Variants in AFF3 observed in about 807,000 individuals in gnomAD.
AFF3 encodes AF4/FMR2 family member 3.
Under a neutral mutation model 129.7 loss-of-function variants are expected in AFF3, and 32 were observed. The observed-to-expected ratio is 0.25, with a 90% CI of 0.19 to 0.33. The LOEUF is 0.33. Among genes scored for constraint, AFF3 ranks in the 10% least tolerant of loss-of-function variants. AFF3 has a pLI of 1.00. For synonymous variants in AFF3, 644 were observed against 635.4 expected, an observed-to-expected ratio of 1.01 and a Z score of -0.20; for missense variants, 1,373 against 1,592.0, an observed-to-expected ratio of 0.86 and a Z score of 2.34.
At chr2:99,715,270 A>G (rs912890792) in intron 11 of AFF3, among the ~76,000 whole-genome samples, 7 of 152,186 alleles carry the variant, frequency 4.6e-5, no homozygotes. Context: ...CACCCTTAAC[A>G]TCTTCTTAGT....
At position 99,593,336 on chromosome 2, in the gene AFF3, C is replaced by T; in HGVS notation, c.2325G>A (p.Leu775=). 1 of 1,614,054 alleles carries T rather than the reference C, an allele frequency of 6.2e-7. No homozygotes were observed. Among genetic ancestry groups the T allele is most frequent in the Non-Finnish European group, 8.5e-7 (1 of 1,179,980 alleles). ...GGGGCAGGTGTTCTGGGATCCTGGA[C>T]AGGAGGGTCAGGTCGATTTTGACCC... is the stretch of plus-strand genomic sequence containing the variant. ...SLWVKIDLTL[L]SRIPEHLPQE... is the part of the protein sequence containing the mutation. Residue 775 remains leucine, a synonymous_variant, in exon 15 of 25, where the codon CTG becomes CTA. Transcript: ENST00000672756.
chr2:100,131,216 A>G (rs1035663837), intron 1 of AFF3, among the ~76,000 whole-genome samples: 1 of 152,164 alleles, frequency 6.6e-6, no homozygotes, highest in Non-Finnish European at 1.5e-5. Context: ...TCATCCCTTA[A>G]GCTACTTGAA....
intron 4 of AFF3, among the ~76,000 whole-genome samples, chr2:100,044,806 G>A (rs1405944504): frequency 6.6e-6 from 1 of 151,900 alleles, no homozygotes; most frequent in Non-Finnish European, 1.5e-5. Flanking sequence ...AGTACTGTCC[G>A]TTTAGAGGCC....
intron 7 of AFF3, among the ~76,000 whole-genome samples, chr2:99,857,129 A>G (rs1249149029): frequency 1.3e-5 from 2 of 152,182 alleles, no homozygotes; most frequent in Admixed American, 6.5e-5. Flanking sequence ...GCTCAAATGA[A>G]TATTTATTTT....
At chr2:99,621,881 G>C (rs35488108) in intron 13 of AFF3, among the ~76,000 whole-genome samples, 279 of 152,116 alleles carry the variant, frequency 1.8e-3, no homozygotes, top group African/African-American at 6.2e-3. Flanking sequence ...TTTGCAGGGC[G>C]AGTTGTGTGG....
intron 13 of AFF3, among the ~76,000 whole-genome samples, chr2:99,646,915 C>T (rs77077807): frequency 0.061 from 9,350 of 152,222 alleles, 405 homozygotes; most frequent in East Asian, 0.12. Context: ...ATGCTTATCA[C>T]TTATGGGGAT....
intron 7 of AFF3, among the ~76,000 whole-genome samples, chr2:99,894,573 A>T (rs899323814): frequency 6.0e-5 from 9 of 150,150 alleles, no homozygotes; most frequent in Non-Finnish European, 1.2e-4. Flanking sequence ...GGTTCACGCC[A>T]TTCTCCTGCC....
intron 13 of AFF3, among the ~76,000 whole-genome samples, chr2:99,623,091 G>A (rs764895965): frequency 8.6e-5 from 13 of 151,452 alleles, no homozygotes; most frequent in South Asian, 2.1e-4. Flanking sequence ...ACGTGCCTCC[G>A]TTAACTCCAA....
intron 4 of AFF3, among the ~76,000 whole-genome samples, chr2:100,067,102 T>A (rs1559101325): frequency 6.6e-6 from 1 of 151,772 alleles, no homozygotes; most frequent in Non-Finnish European, 1.5e-5. Context: ...GACTTGTATC[T>A]TCATCTAAAC....
At position 99,550,164 on chromosome 2, in the gene AFF3, A is replaced by C. The variant is rs1674307158; in HGVS notation, c.*1310T>G. ...AGACAAAAACTGTAAACAAGATGTCAAAGAAACTAAAATGTAAACTTAATT... is the reference window on the plus strand; with the variant it reads ...AGACAAAAACTGTAAACAAGATGTCCAAGAAACTAAAATGTAAACTTAATT... On this transcript the variant is annotated 3_prime_UTR_variant, in exon 25 of 25. Coordinates refer to ENST00000672756, the MANE Select transcript of AFF3 (RefSeq NM_001386135.1). The C allele has an allele frequency of 4.4e-6, 1 of 229,358 alleles. No individual in the cohort carries two copies. The highest frequency in any genetic ancestry group is 8.6e-6 in the Non-Finnish European group (1 of 115,688). The allele number at this position is 229,358 out of a possible 1,614,324, so 14.2% of individuals were successfully genotyped here. A position where few individuals can be genotyped will look rare whatever the true frequency, so the allele number is the denominator to read the frequency against.
intron 7 of AFF3, among the ~76,000 whole-genome samples, chr2:99,924,042 G>A (rs1350751341): frequency 2.0e-5 from 3 of 151,754 alleles, no homozygotes; most frequent in Non-Finnish European, 4.4e-5. Flanking sequence ...CCTATGAATC[G>A]GCCTGCTAGA....
At chr2:99,802,467 C>T (rs1686014138) in intron 8 of AFF3, among the ~76,000 whole-genome samples, 2 of 152,042 alleles carry the variant, frequency 1.3e-5, no homozygotes, top group African/African-American at 4.8e-5. Flanking sequence ...TTGAGACCTG[C>T]CTGGGCAAGA....
chr2:99,673,322 C>T (rs1047178142), intron 11 of AFF3, among the ~76,000 whole-genome samples: 9 of 151,990 alleles, frequency 5.9e-5, no homozygotes, highest in African/African-American at 2.2e-4. Context: ...AGCAGGAGGG[C>T]GCTTTCTGAA....
At chr2:99,801,334 A>G (rs1250586852) in intron 8 of AFF3, among the ~76,000 whole-genome samples, 1 of 152,236 alleles carries the variant, frequency 6.6e-6, no homozygotes, top group Non-Finnish European at 1.5e-5. Flanking sequence ...GTAATTTCAT[A>G]GGTTAACTTT....
At chr2:100,051,117 C>G (rs961701201) in intron 4 of AFF3, among the ~76,000 whole-genome samples, 1 of 152,200 alleles carries the variant, frequency 6.6e-6, no homozygotes, top group Non-Finnish European at 1.5e-5. Context: ...AAGCCCATTT[C>G]TTCCACCTCA....
At chr2:99,765,111 CTTTA>C (rs1327919295) in intron 8 of AFF3, among the ~76,000 whole-genome samples, 2 of 152,176 alleles carry the variant, frequency 1.3e-5, no homozygotes, top group African/African-American at 4.8e-5. Context: ...GCCACTGACA[CTTTA>C]TTTCTGACTC....
intron 7 of AFF3, among the ~76,000 whole-genome samples, chr2:99,999,789 CCAGGCCATCTG>C (rs1681212356): frequency 6.6e-6 from 1 of 152,178 alleles, no homozygotes; most frequent in African/African-American, 2.4e-5. Flanking sequence ...AACTGAGGCA[CCAGGCCATCTG>C]GCCAGCAAAT....
intron 4 of AFF3, among the ~76,000 whole-genome samples, chr2:100,040,797 G>T (rs1319229813): frequency 6.6e-6 from 1 of 152,236 alleles, no homozygotes; most frequent in Non-Finnish European, 1.5e-5. Context: ...AGACTGGCTG[G>T]AAAGTCATGC....
At chr2:99,696,967 T>C (rs557529724) in intron 11 of AFF3, among the ~76,000 whole-genome samples, 3 of 152,330 alleles carry the variant, frequency 2.0e-5, no homozygotes, top group East Asian at 1.9e-4. Flanking sequence ...TTGATGGCTA[T>C]AGGCAGGGAC....
Sources: allele counts gnomAD v4.1 joint callset (sites outside exome capture counted in the v4.1 genomes callset), GRCh38; gene constraint gnomAD v4.1.1; transcripts MANE v1.5; gene names NCBI Gene and HGNC (gene_info 2026-07-23, HGNC 2026-07-21).